Variants in CDC20B observed in about 807,000 individuals in gnomAD.
CDC20B encodes the protein cell division cycle 20B.
A neutral mutation model predicts 64.1 loss-of-function variants in CDC20B; 58 were observed. The ratio of observed to expected loss-of-function variants is 0.90; its 90% confidence interval spans 0.73 to 1.13. CDC20B has a LOEUF of 1.13. CDC20B is among the 50% of genes most tolerant of loss of function. The probability of loss-of-function intolerance (pLI) is 0.00; values close to 1 mark genes in which losing one functional copy is unlikely to be tolerated. For synonymous variants in CDC20B, 243 were observed against 230.6 expected (o/e 1.05, Z -0.49); for missense variants, 597 against 633.0 (o/e 0.94, Z 0.61).
At chr5:55,128,290 T>A in intron 7 of CDC20B, 131 bp downstream of exon 7, 6 of 534,772 alleles carry the variant, frequency 1.1e-5, no homozygotes, top group Non-Finnish European at 1.8e-5. Context: ...CGGAATGTCA[T>A]CTCCTTTTAT....
intron 8 of CDC20B, among the ~76,000 whole-genome samples, chr5:55,125,528 A>G (rs754236175): frequency 6.6e-6 from 1 of 152,212 alleles, no homozygotes; most frequent in African/African-American, 2.4e-5. Flanking sequence ...TTGCTAAAGA[A>G]CTAAACTTCT....
intron 8 of CDC20B, among the ~76,000 whole-genome samples, chr5:55,126,807 G>C (rs1742904963): frequency 1.3e-5 from 2 of 152,194 alleles, no homozygotes; most frequent in Admixed American, 6.5e-5. Flanking sequence ...ACATGTTCTA[G>C]TTTGAGAACT....
At chr5:55,155,992 A>T (rs1466982892) in intron 2 of CDC20B, among the ~76,000 whole-genome samples, 2 of 152,232 alleles carry the variant, frequency 1.3e-5, no homozygotes, top group Non-Finnish European at 2.9e-5. Flanking sequence ...CATGCTGCTA[A>T]TAAAGACATA....
intron 6 of CDC20B, among the ~76,000 whole-genome samples, chr5:55,130,650 C>T (rs1365557137): frequency 6.6e-6 from 1 of 152,182 alleles, no homozygotes; most frequent in Non-Finnish European, 1.5e-5. Flanking sequence ...GGAAGCTCTT[C>T]AGGCTAAAGG....
chr5:55,141,788 A>G (rs1743336687), intron 4 of CDC20B, among the ~76,000 whole-genome samples: 1 of 152,186 alleles, frequency 6.6e-6, no homozygotes, highest in Non-Finnish European at 1.5e-5. Context: ...GGGTTTCCCA[A>G]TCTTGGCACT....
rs771210372 is a variant in CDC20B, at chr5:55,146,683, T to C, written c.300A>G (p.Pro100=). The C allele has an allele frequency of 2.5e-6, 4 of 1,614,150 alleles. No individual in the cohort carries two copies. In the Admixed American group the frequency reaches 6.7e-5, roughly 27 times the overall value. Residue 100 remains proline, a synonymous_variant, in exon 3 of 12, where the codon CCA becomes CCG. Coordinates refer to ENST00000381375, the MANE Select transcript of CDC20B (RefSeq NM_001170402.1). ...FGEEQSTTYL[P]EASGSVLKTP... ...TCTTCAGCACTGATCCGGAAGCTTC[T>C]GGGAGGTAGGTGGTTGACTGCTCTT...
intron 5 of CDC20B, among the ~76,000 whole-genome samples, chr5:55,134,357 CTA>C (rs984186286): frequency 5.3e-5 from 8 of 152,014 alleles, no homozygotes; most frequent in Admixed American, 2.0e-4. Flanking sequence ...TCCGTGTTAG[CTA>C]TGAAAACCTG....
At chr5:55,126,138 T>A (rs1018130356) in intron 8 of CDC20B, among the ~76,000 whole-genome samples, 7 of 152,174 alleles carry the variant, frequency 4.6e-5, no homozygotes, top group Non-Finnish European at 1.0e-4. Context: ...TAAGTTGTTT[T>A]AAGACCGGCC....
intron 11 of CDC20B, among the ~76,000 whole-genome samples, chr5:55,117,445 C>T (rs1017203676): frequency 6.6e-6 from 1 of 152,168 alleles, no homozygotes; most frequent in African/African-American, 2.4e-5. Context: ...TAAAATACTA[C>T]TTAATTTTCC....
rs749560912 is a variant in CDC20B, at chr5:55,124,789, A to T, written c.1215+14T>A. ...TGAGTAACAGGAAACCTAGAAATCTATTGGGTTTCTTACCTTGACTGCCGT... is the reference window on the plus strand; with the variant it reads ...TGAGTAACAGGAAACCTAGAAATCTTTTGGGTTTCTTACCTTGACTGCCGT... On this transcript the variant is annotated intron_variant, in intron 9 of 11. Coordinates refer to ENST00000381375, the MANE Select transcript of CDC20B (RefSeq NM_001170402.1). The T allele has an allele frequency of 1.0e-5, 16 of 1,605,778 alleles. 1 individual carries two copies. The highest frequency in any genetic ancestry group is 1.4e-5 in the Non-Finnish European group (16 of 1,173,200).
chr5:55,120,388 GATC>G, intron 10 of CDC20B, 34 bp downstream of exon 10: 1 of 1,611,468 alleles, frequency 6.2e-7, no homozygotes, highest in Non-Finnish European at 8.5e-7. Flanking sequence ...GATTCCAGAA[GATC>G]AAAATGAAGA....
At chr5:55,162,867 A>C (rs1744155351) in intron 2 of CDC20B, among the ~76,000 whole-genome samples, 1 of 152,204 alleles carries the variant, frequency 6.6e-6, no homozygotes, top group Admixed American at 6.5e-5. Flanking sequence ...CATTCCACTT[A>C]GATAGGAAGG....
chr5:55,135,905 A>C (rs1031238999), intron 5 of CDC20B: 3 of 151,760 alleles, frequency 2.0e-5, no homozygotes, highest in African/African-American at 4.8e-5. Context: ...GTGTGTATCT[A>C]TGTGTTATCT....
rs1472947275 is a variant in CDC20B, at chr5:55,119,926, A to G, written c.1342-8T>C. ...CCAGATTAAGGAACAAATCTGTAAT[A>G]ATGATCAAAAATAGAGAATTCTTGC... On this transcript the variant is annotated splice_polypyrimidine_tract_variant and splice_region_variant and intron_variant, in intron 10 of 11. Transcript: ENST00000381375. The G allele has an allele frequency of 6.4e-7, 1 of 1,568,274 alleles. No homozygotes were observed. Among genetic ancestry groups the G allele is most frequent in the Admixed American group, 1.7e-5 (1 of 59,918 alleles).
At chr5:55,137,482 T>A in intron 5 of CDC20B, 1 of 452,362 alleles carries the variant, frequency 2.2e-6, no homozygotes, top group East Asian at 7.0e-5. Context: ...GATGAGCAAT[T>A]ACTTGGCTTA....
At chr5:55,171,298 G>A (rs1304523007) in intron 2 of CDC20B, among the ~76,000 whole-genome samples, 1 of 152,152 alleles carries the variant, frequency 6.6e-6, no homozygotes, top group East Asian at 1.9e-4. Flanking sequence ...GGGCAACAAA[G>A]TGAGACTCTG....
chr5:55,169,839 C>A (rs1744530505), intron 2 of CDC20B, among the ~76,000 whole-genome samples: 1 of 152,194 alleles, frequency 6.6e-6, no homozygotes, highest in African/African-American at 2.4e-5. Flanking sequence ...AGAGGCCGGG[C>A]GCAGTGGCTC....
chr5:55,146,484 T>G (rs1449303204), intron 3 of CDC20B, 144 bp downstream of exon 3: 1 of 617,910 alleles, frequency 1.6e-6, no homozygotes, highest in Non-Finnish European at 2.8e-6. Context: ...CTCCCCACCT[T>G]GGAAATTTCT....
chr5:55,144,709 T>G (rs563867839), intron 3 of CDC20B, among the ~76,000 whole-genome samples: 19 of 152,328 alleles, frequency 1.2e-4, no homozygotes, highest in African/African-American at 4.6e-4. Flanking sequence ...CTCTCAGAAC[T>G]TCAAATGAGA....
Sources: gnomAD v4.1 joint callset for allele counts (sites outside exome capture counted in the v4.1 genomes callset) on GRCh38, gnomAD v4.1.1 for gene constraint, MANE v1.5 for transcripts, NCBI Gene and HGNC (gene_info 2026-07-23, HGNC 2026-07-21) for gene names.